LSM14A: variants seen among roughly 807,000 people sequenced by gnomAD.
LSM14A encodes the protein protein LSM14 homolog A.
In LSM14A, 14 loss-of-function variants were observed where a neutral mutation model predicts 52.4. The observed-to-expected ratio is 0.27, with a 90% CI of 0.18 to 0.42. The LOEUF is 0.42. Among genes scored for constraint, LSM14A ranks in the 10% least tolerant of loss-of-function variants. The pLI is 1.00. For missense variants in LSM14A, 417 were observed against 581.8 expected (o/e 0.72, Z 2.91); for synonymous variants, 185 against 200.3 (o/e 0.92, Z 0.64).
rs368627369 is a variant in LSM14A at position 34,199,374 on chromosome 19, G to C, written c.415+2611G>C. 3.9e-4 allele frequency among the ~76,000 whole-genome samples: 60 copies of C among 152,172 alleles called. No individual in the cohort carries two copies. In the South Asian group the frequency reaches 4.4e-3, roughly 11 times the overall value. On this transcript the variant is annotated intron_variant, in intron 3 of 9. Transcript: ENST00000544216. Reference sequence around the variant, plus strand: ...TCAAACTTGTGACCTTGAGTGATCCGCCCATCTTGGCCTCCAAAAGTGTTG... The same window carrying C: ...TCAAACTTGTGACCTTGAGTGATCCCCCCATCTTGGCCTCCAAAAGTGTTG...
intron 2 of LSM14A, among the ~76,000 whole-genome samples, chr19:34,196,342 A>T (rs1161286456): frequency 6.6e-6 from 1 of 152,196 alleles, no homozygotes; most frequent in South Asian, 2.1e-4. Context: ...AAGTTACTTT[A>T]CTTAAGTAAC....
intron 4 of LSM14A, among the ~76,000 whole-genome samples, chr19:34,214,582 T>C (rs1339615542): frequency 1.3e-5 from 2 of 152,230 alleles, no homozygotes; most frequent in African/African-American, 2.4e-5. Context: ...GGACTAGGAT[T>C]ACAGGCATAT....
intron 3 of LSM14A, among the ~76,000 whole-genome samples, chr19:34,197,404 A>G (rs1375746623): frequency 6.8e-6 from 1 of 146,052 alleles, no homozygotes. Context: ...ATTTTAATTA[A>G]TAAATTTTTC....
Position 34,172,872 on chromosome 19 carries a change from C to T in LSM14A, c.121+109C>T, listed in dbSNP as rs2068800018. The stretch of plus-strand genomic sequence containing the variant: ...TCCCTCCCCTCCCTCCGTCGAGCTC[C>T]GGGAGGCCTCTCGCCTCCCTTCTCC... On this transcript the variant is annotated intron_variant, in intron 1 of 9. Coordinates refer to ENST00000544216, the MANE Select transcript of LSM14A (RefSeq NM_015578.4). 3.9e-6 allele frequency: 5 copies of T among 1,287,544 alleles called. No homozygotes were observed. The Admixed American group carries it at 1.6e-4, about 41-fold the overall frequency. The allele number at this position is 1,287,544 out of a possible 1,614,324, so 79.8% of individuals were successfully genotyped here.
rs562951697 is a variant in LSM14A, at chr19:34,172,879, C to T, written c.121+116C>T. 37 of 1,217,450 alleles carry T rather than the reference C, an allele frequency of 3.0e-5. No homozygotes were observed. In the South Asian group the frequency reaches 6.0e-4, roughly 20 times the overall value. 75.4% of individuals were successfully genotyped at this position (1,217,450 alleles called of 1,614,324 possible). On this transcript the variant is annotated intron_variant, in intron 1 of 9. Transcript: ENST00000544216. Reference sequence around the variant, plus strand: ...CCTCCCTCCGTCGAGCTCCGGGAGGCCTCTCGCCTCCCTTCTCCGGGCCCC... The same window carrying T: ...CCTCCCTCCGTCGAGCTCCGGGAGGTCTCTCGCCTCCCTTCTCCGGGCCCC...
Position 34,227,670 on chromosome 19 carries a change from G to T in LSM14A, c.*282G>T. On this transcript the variant is annotated 3_prime_UTR_variant, in exon 10 of 10. Coordinates refer to ENST00000544216, the MANE Select transcript of LSM14A (RefSeq NM_015578.4). ...GTTAAACTAAAGCAGTACTTCAGTG[G>T]GACTTAACAAGTATTTTTTCATCAC... 2 of 347,092 alleles carry T rather than the reference G, an allele frequency of 5.8e-6. No individual in the cohort carries two copies. Among genetic ancestry groups the T allele is most frequent in the Non-Finnish European group, 1.0e-5 (2 of 194,776 alleles). The allele number at this position is 347,092 out of a possible 1,614,324, so 21.5% of individuals were successfully genotyped here. A position where few individuals can be genotyped will look rare whatever the true frequency, so the allele number is the denominator to read the frequency against.
At chr19:34,204,432 G>T (rs922832393) in intron 3 of LSM14A, among the ~76,000 whole-genome samples, 14 of 152,068 alleles carry the variant, frequency 9.2e-5, no homozygotes. Context: ...ATCTAGACCA[G>T]ATGTGATAGC....
chr19:34,177,815 G>A (rs1339223300), intron 1 of LSM14A, among the ~76,000 whole-genome samples: 1 of 152,136 alleles, frequency 6.6e-6, no homozygotes, highest in Non-Finnish European at 1.5e-5. Flanking sequence ...GGGATTGCTT[G>A]AGCCCAAGAG....
chr19:34,202,927 G>A (rs925143744), intron 3 of LSM14A, among the ~76,000 whole-genome samples: 8 of 152,170 alleles, frequency 5.3e-5, no homozygotes, highest in African/African-American at 1.9e-4. Flanking sequence ...AAAGTGCTAG[G>A]ATTACAGGCG....
At chr19:34,217,608 C>G (rs1323268868) in intron 6 of LSM14A, among the ~76,000 whole-genome samples, 1 of 43,510 alleles carries the variant, frequency 2.3e-5, no homozygotes, top group African/African-American at 1.2e-4. Context: ...TTTTATATCC[C>G]CCCCCCCCGT....
At chr19:34,183,170 T>C (rs1485631273) in intron 1 of LSM14A, among the ~76,000 whole-genome samples, 3 of 152,188 alleles carry the variant, frequency 2.0e-5, no homozygotes, top group African/African-American at 7.2e-5. Context: ...ATTTAAACCA[T>C]TGGGTAAAGA....
intron 1 of LSM14A, among the ~76,000 whole-genome samples, chr19:34,194,230 TAAATA>T: frequency 6.6e-6 from 1 of 152,144 alleles, no homozygotes; most frequent in South Asian, 2.1e-4. Context: ...AAGATACAAA[TAAATA>T]AAAATATAAG....
intron 1 of LSM14A, among the ~76,000 whole-genome samples, chr19:34,183,055 A>G (rs566465098): frequency 1.3e-5 from 2 of 152,070 alleles, no homozygotes; most frequent in African/African-American, 2.4e-5. Context: ...CTCTTATATC[A>G]TATTTTCATA....
At chr19:34,173,027 A>C (rs2068815754) in intron 1 of LSM14A, among the ~76,000 whole-genome samples, 1 of 152,230 alleles carries the variant, frequency 6.6e-6, no homozygotes, top group African/African-American at 2.4e-5. Flanking sequence ...GAAGTCCGAG[A>C]ACGGGCCGGA....
At chr19:34,180,638 A>G (rs2069411290) in intron 1 of LSM14A, among the ~76,000 whole-genome samples, 1 of 152,084 alleles carries the variant, frequency 6.6e-6, no homozygotes, top group Non-Finnish European at 1.5e-5. Context: ...CTGTCATCTT[A>G]CTGCCTTTCA....
intron 5 of LSM14A, 42 bp from the exon 6 acceptor site, chr19:34,215,554 T>A: frequency 2.0e-6 from 3 of 1,484,698 alleles, no homozygotes; most frequent in Non-Finnish European, 1.9e-6. Context: ...TTTGATGATG[T>A]ACCCTGAGTT....
intron 6 of LSM14A, among the ~76,000 whole-genome samples, chr19:34,218,579 A>G (rs1305346595): frequency 6.6e-6 from 1 of 151,942 alleles, no homozygotes. Flanking sequence ...TTAAACTCAT[A>G]CTGGTTTCTG....
At chr19:34,211,351 A>G (rs983091411) in intron 4 of LSM14A, among the ~76,000 whole-genome samples, 11 of 152,252 alleles carry the variant, frequency 7.2e-5, no homozygotes, top group South Asian at 6.2e-4. Context: ...TTATGTAATG[A>G]GGAGAAAAGA....
At chr19:34,194,906 A>AC (rs1419381293) in intron 2 of LSM14A, among the ~76,000 whole-genome samples, 1 of 152,228 alleles carries the variant, frequency 6.6e-6, no homozygotes, top group South Asian at 2.1e-4. Flanking sequence ...GCTACTCTGT[A>AC]GAAGTGCTGT....
Sources: allele counts gnomAD v4.1 joint callset (sites outside exome capture counted in the v4.1 genomes callset), GRCh38; gene constraint gnomAD v4.1.1; transcripts MANE v1.5; gene names NCBI Gene and HGNC (gene_info 2026-07-23, HGNC 2026-07-21).